PBX1: variants seen among roughly 807,000 people sequenced by gnomAD.
The protein encoded by PBX1 is PBX homeobox 1, also known as pre-B-cell leukemia transcription factor 1.
PBX1 carries 6 observed loss-of-function variants against 53.4 expected under a neutral mutation model. The observed-to-expected ratio is 0.11, with a 90% CI of 0.06 to 0.22. The LOEUF (loss-of-function observed/expected upper bound fraction) is 0.22, where lower values mean the gene tolerates loss of function less well. PBX1 is among the 10% of genes least tolerant of loss of function. The probability of loss-of-function intolerance (pLI) is 1.00; values close to 1 mark genes in which losing one functional copy is unlikely to be tolerated. For synonymous variants in PBX1, 204 were observed against 212.3 expected, an observed-to-expected ratio of 0.96 and a Z score of 0.34; for missense variants, 251 against 551.4, an observed-to-expected ratio of 0.46 and a Z score of 5.46.
intron 2 of PBX1, among the ~76,000 whole-genome samples, chr1:164,570,145 G>A (rs1653744781): frequency 6.6e-6 from 1 of 152,114 alleles, no homozygotes; most frequent in African/African-American, 2.4e-5. Context: ...CATTCAACTT[G>A]CAAAGTTCCA....
chr1:164,680,178 T>C (rs1661679833), intron 2 of PBX1: 4 of 152,138 alleles, frequency 2.6e-5, no homozygotes, highest in African/African-American at 9.7e-5. Context: ...CTATTTTCAG[T>C]CAGATCCTAT....
Position 164,807,684 on chromosome 1 carries a change from A to T in PBX1, c.837+7A>T. 1 of 1,613,882 alleles carries T rather than the reference A, an allele frequency of 6.2e-7. No individual in the cohort carries two copies. Among genetic ancestry groups the T allele is most frequent in the South Asian group, 1.1e-5 (1 of 90,968 alleles). The stretch of plus-strand genomic sequence containing the variant: ...TGGCATCACAGTCTCCCAGGTAAGC[A>T]GCACCTCAAAAGCCTCAGCCTGTAG... On this transcript the variant is annotated splice_region_variant and intron_variant, in intron 5 of 8. Coordinates refer to ENST00000420696, the MANE Select transcript of PBX1 (RefSeq NM_002585.4).
intron 6 of PBX1, chr1:164,814,210 T>A (rs150100700): frequency 1.4e-3 from 211 of 152,366 alleles, no homozygotes; most frequent in African/African-American, 5.0e-3. Flanking sequence ...AACTTTAAAA[T>A]GTTCAAACTT....
intron 2 of PBX1, among the ~76,000 whole-genome samples, chr1:164,670,483 T>G (rs1557930588): frequency 6.6e-6 from 1 of 152,174 alleles, no homozygotes; most frequent in Non-Finnish European, 1.5e-5. Context: ...ATTTATGGAT[T>G]TAGGGGAAAT....
intron 1 of PBX1, chr1:164,560,234 G>GTGTGGCTGTGTACATATTTC (rs755789480): frequency 2.4e-5 from 10 of 421,956 alleles, no homozygotes; most frequent in Non-Finnish European, 3.4e-5. Context: ...GTACATATTT[G>GTGTGGCTGTGTACATATTTC]TGTGTGTGTG....
At chr1:164,845,687 T>G (rs778671146) in intron 8 of PBX1, among the ~76,000 whole-genome samples, 1 of 152,180 alleles carries the variant, frequency 6.6e-6, no homozygotes, top group Non-Finnish European at 1.5e-5. Flanking sequence ...TTAGAACAGT[T>G]TTAACAGTTT....
At chr1:164,591,301 C>T (rs141258613) in intron 2 of PBX1, among the ~76,000 whole-genome samples, 4 of 152,282 alleles carry the variant, frequency 2.6e-5, no homozygotes, top group East Asian at 1.9e-4. Context: ...CGTCAGCCAC[C>T]GCTCCTGGCC....
chr1:164,691,603 T>C (rs1047824842), intron 2 of PBX1, among the ~76,000 whole-genome samples: 4 of 152,178 alleles, frequency 2.6e-5, no homozygotes, highest in Non-Finnish European at 4.4e-5. Context: ...GGCTAGGGGC[T>C]ACCACAGGGC....
At chr1:164,842,549 A>G (rs900891897) in intron 8 of PBX1, among the ~76,000 whole-genome samples, 3 of 152,056 alleles carry the variant, frequency 2.0e-5, no homozygotes, top group Admixed American at 6.6e-5. Context: ...TTTATATTCT[A>G]TGAGCTTCTC....
chr1:164,606,393 G>T (rs75384131), intron 2 of PBX1, among the ~76,000 whole-genome samples: 1 of 152,164 alleles, frequency 6.6e-6, no homozygotes, highest in African/African-American at 2.4e-5. Flanking sequence ...AGGAGGCTGA[G>T]GCACAAGAAT....
At chr1:164,714,939 A>G (rs1394493351) in intron 2 of PBX1, among the ~76,000 whole-genome samples, 1 of 152,086 alleles carries the variant, frequency 6.6e-6, no homozygotes, top group African/African-American at 2.4e-5. Flanking sequence ...ATGATGAAGC[A>G]TTCAAAATAA....
At chr1:164,644,085 G>T (rs967567591) in intron 2 of PBX1, among the ~76,000 whole-genome samples, 4 of 152,152 alleles carry the variant, frequency 2.6e-5, no homozygotes, top group African/African-American at 9.7e-5. Context: ...AAATGTCGAT[G>T]ATGTCCCTAG....
intron 2 of PBX1, among the ~76,000 whole-genome samples, chr1:164,705,095 T>G (rs954143769): frequency 2.0e-5 from 3 of 152,186 alleles, no homozygotes; most frequent in Non-Finnish European, 4.4e-5. Context: ...TCCTTCATTA[T>G]GGGGGCTGCC....
intron 1 of PBX1, among the ~76,000 whole-genome samples, chr1:164,562,172 C>A (rs1195393885): frequency 6.6e-6 from 1 of 151,836 alleles, no homozygotes; most frequent in Non-Finnish European, 1.5e-5. Flanking sequence ...TTTATTACTC[C>A]CCTGCTGTAC....
At chr1:164,636,285 T>A (rs977053245) in intron 2 of PBX1, among the ~76,000 whole-genome samples, 1 of 152,146 alleles carries the variant, frequency 6.6e-6, no homozygotes, top group Non-Finnish European at 1.5e-5. Flanking sequence ...GTTGAAAGGA[T>A]GACTGAAAGA....
intron 2 of PBX1, among the ~76,000 whole-genome samples, chr1:164,785,008 G>A (rs1668106021): frequency 1.3e-5 from 2 of 152,162 alleles, no homozygotes; most frequent in African/African-American, 4.8e-5. Context: ...TGAGATTCTA[G>A]AGGGCTGAGA....
intron 1 of PBX1, 199 bp from the exon 2 acceptor site, chr1:164,563,039 C>A: frequency 2.6e-6 from 1 of 386,968 alleles, no homozygotes; most frequent in East Asian, 4.1e-5. Context: ...AATCCCTACC[C>A]TCTCCCTGCT....
intron 2 of PBX1, among the ~76,000 whole-genome samples, chr1:164,731,424 T>C (rs1664976281): frequency 6.6e-6 from 1 of 151,792 alleles, no homozygotes; most frequent in African/African-American, 2.4e-5. Context: ...GAAACATAAA[T>C]AAAGCCCGGG....
At chr1:164,663,095 T>C (rs1035749673) in intron 2 of PBX1, among the ~76,000 whole-genome samples, 4 of 152,194 alleles carry the variant, frequency 2.6e-5, no homozygotes, top group Non-Finnish European at 5.9e-5. Flanking sequence ...GCCTTAAGCA[T>C]GTCAGTCAAA....
Sources: allele counts gnomAD v4.1 joint callset (sites outside exome capture counted in the v4.1 genomes callset), GRCh38; gene constraint gnomAD v4.1.1; transcripts MANE v1.5; gene names NCBI Gene and HGNC (gene_info 2026-07-23, HGNC 2026-07-21).